The following SEPTIN4 variants were observed in gnomAD, a reference collection of about 807,000 sequenced individuals.
The protein encoded by SEPTIN4 is septin-4.
A neutral mutation model predicts 107.1 loss-of-function variants in SEPTIN4; 52 were observed. That is an observed-to-expected ratio of 0.49 (90% CI 0.39 to 0.61). The LOEUF (loss-of-function observed/expected upper bound fraction) is 0.61, where lower values mean the gene tolerates loss of function less well. SEPTIN4 is among the 20% of genes least tolerant of loss of function. SEPTIN4 has a pLI of 0.00. For missense variants in SEPTIN4, 1,048 were observed against 1,243.5 expected (o/e 0.84, Z 2.36); for synonymous variants, 417 against 467.0 (o/e 0.89, Z 1.38).
intron 1 of SEPTIN4, 139 bp downstream of exon 1, chr17:58,542,487 C>T: frequency 8.2e-7 from 1 of 1,214,194 alleles, no homozygotes; most frequent in South Asian, 1.5e-5. Context: ...GAGCAATAGG[C>T]TCAAGGATAG....
Position 58,538,999 on chromosome 17 carries a change from C to T in SEPTIN4, c.1614+1667G>A, listed in dbSNP as rs1311389496. On this transcript the variant is annotated intron_variant, in intron 3 of 13. Coordinates refer to ENST00000672673, the MANE Select transcript of SEPTIN4 (RefSeq NM_001368771.2). This position sits in a 1 kb window ranked among gnomAD's most constrained non-coding sequence, Gnocchi z 4.7. ...TCAGAGGCCTTGGACACCAGCACCACAGCGTCTCCATCCTGAGGCTGCATG... is the reference window on the plus strand; with the variant it reads ...TCAGAGGCCTTGGACACCAGCACCATAGCGTCTCCATCCTGAGGCTGCATG... The T allele has an allele frequency of 5.2e-6, 3 of 581,696 alleles. No individual in the cohort carries two copies. The highest frequency in any genetic ancestry group is 3.8e-5 in the African/African-American group (2 of 52,428). The allele number at this position is 581,696 out of a possible 1,614,324, so 36.0% of individuals were successfully genotyped here. A position where few individuals can be genotyped will look rare whatever the true frequency, so the allele number is the denominator to read the frequency against.
chr17:58,542,274 A>G (rs1406030208), intron 1 of SEPTIN4, among the ~76,000 whole-genome samples: 1 of 151,968 alleles, frequency 6.6e-6, no homozygotes, highest in Non-Finnish European at 1.5e-5. Flanking sequence ...ATTCTATTTA[A>G]CAGCCCTTGC....
chr17:58,527,002 A>C, intron 3 of SEPTIN4, 24 bp from the exon 4 acceptor site: 1 of 1,613,884 alleles, frequency 6.2e-7, no homozygotes, highest in Non-Finnish European at 8.5e-7. Context: ...GGTGGGTAGA[A>C]TAGATGGGTG....
intron 7 of SEPTIN4, among the ~76,000 whole-genome samples, chr17:58,523,685 A>G (rs920812212): frequency 4.6e-5 from 7 of 151,704 alleles, no homozygotes; most frequent in African/African-American, 1.5e-4. Context: ...ATTCTAGCTG[A>G]TTTGATGCTC....
At position 58,526,995 on chromosome 17, in the gene SEPTIN4, G is replaced by T; in HGVS notation, c.1615-17C>A. ...ACGCTTGATCTGGGGGAAGCGGGGT[G>T]GGTAGAATAGATGGGTGGTGCCGGG... On this transcript the variant is annotated splice_polypyrimidine_tract_variant and intron_variant, in intron 3 of 13. Coordinates refer to ENST00000672673, the MANE Select transcript of SEPTIN4 (RefSeq NM_001368771.2). 6.2e-7 allele frequency: 1 copy of T among 1,613,890 alleles called. No homozygotes were observed. The highest frequency in any genetic ancestry group is 8.5e-7 in the Non-Finnish European group (1 of 1,179,996).
chr17:58,544,140 TG>T lies in SEPTIN4; in HGVS notation c.46del (p.Gln16ArgfsTer31). 1 of 1,614,088 alleles carries T rather than the reference TG, an allele frequency of 6.2e-7. No homozygotes were observed. Among genetic ancestry groups the T allele is most frequent in the South Asian group, 1.1e-5 (1 of 91,076 alleles). ...GTTAGTAGTAACCTCAGACCCTCTC[TG>T]TGCTGAAACCGCTACCTTGGCCCCA... Reference protein sequence around the residue: ...KPGAKVAVSAQRGSEVTTNTS... With the variant: ...KPGAKVAVSAXRGSEVTTNTS... On this transcript the variant is annotated frameshift_variant, in exon 1 of 14. Transcript: ENST00000672673. LOFTEE classifies it high-confidence loss of function.
chr17:58,522,209 T>C (rs903294492), intron 7 of SEPTIN4, 108 bp from the exon 8 acceptor site: 1 of 1,393,402 alleles, frequency 7.2e-7, no homozygotes, highest in South Asian at 1.3e-5. Context: ...TTTAAGACAC[T>C]GTTATTCCCT....
chr17:58,542,513 TG>T, intron 1 of SEPTIN4, 112 bp downstream of exon 1: 1 of 1,400,020 alleles, frequency 7.1e-7, no homozygotes. Flanking sequence ...GCTTTGGCAC[TG>T]GCAGGAGAGC....
chr17:58,527,489 A>G, intron 3 of SEPTIN4: 1 of 271,668 alleles, frequency 3.7e-6, no homozygotes, highest in Non-Finnish European at 7.3e-6. Flanking sequence ...CAGGTCAACC[A>G]GCAGGGGGTT....
chr17:58,532,157 C>T, intron 3 of SEPTIN4: 1 of 1,022,176 alleles, frequency 9.8e-7, no homozygotes. Flanking sequence ...GCTAGCGGTG[C>T]CGGCGCGAAG....
rs1266603629 is a variant in SEPTIN4 at position 58,526,302 on chromosome 17, C to G, written c.1923G>C (p.Glu641Asp). ...TGGGGAGGGTTGCAAAGCCCACATA[C>G]TCCTTGTCATCCTAGTAGACAGGAA... ...DPYDSSEDDK[E>D]YVGFATLPNQ... Residue 641 changes from glutamate (E) to aspartate (D), a missense_variant, in exon 5 of 14, where the codon GAG (glutamate) becomes GAC (aspartate). Around this residue, in one of 2 missense-constraint regions of SEPTIN4, gnomAD observed 787 missense variants for 871.8 expected, o/e 0.90. Transcript: ENST00000672673. 1.9e-6 allele frequency: 3 copies of G among 1,593,280 alleles called. No individual in the cohort carries two copies. The highest frequency in any genetic ancestry group is 1.4e-5 in the African/African-American group (1 of 74,020).
intron 3 of SEPTIN4, chr17:58,527,376 G>A (rs1387620953): frequency 1.6e-5 from 6 of 373,654 alleles, no homozygotes; most frequent in Non-Finnish European, 2.6e-5. Context: ...GATTAAGATA[G>A]AGCAGACAGA....
At position 58,542,785 on chromosome 17, in the gene SEPTIN4, G is replaced by A; in HGVS notation, c.1402C>T (p.Pro468Ser). ...TGGAACTTCAGATCCTCACAGAAAG[G>A]GCTAGAGTCTATTTTAAAACCGGAC... ...LLSGFKIDSSPFCEDLKFQRE... is the reference protein window; with the variant it reads ...LLSGFKIDSSSFCEDLKFQRE... The change falls in exon 1 of 14, where the codon CCT becomes TCT. Residue 468 changes from proline to serine, a missense_variant. Pro to Ser is a moderately conservative substitution (Grantham distance 74). Around this residue, in one of 2 missense-constraint regions of SEPTIN4, gnomAD observed 787 missense variants for 871.8 expected, o/e 0.90. Transcript: ENST00000672673. The A allele has an allele frequency of 6.2e-7, 1 of 1,614,130 alleles. No homozygotes were observed. Among genetic ancestry groups the A allele is most frequent in the Non-Finnish European group, 8.5e-7 (1 of 1,180,032 alleles).
In SEPTIN4 at chr17:58,521,983, A is replaced by G; in HGVS notation, c.2335T>C (p.Ser779Pro). 6.2e-7 allele frequency: 1 copy of G among 1,614,190 alleles called. No individual in the cohort carries two copies. The highest frequency in any genetic ancestry group is 1.6e-4 in the Middle Eastern group (1 of 6,062). ...GGACCATACCCATGGCCGAAGGGTG[A>G]GATGAAGTACAGGCAGCAGTGCACC... ...NRVHCCLYFI[S>P]PFGHGLRPLD... is the part of the protein sequence containing the mutation. Residue 779 changes from serine (S) to proline (P), a missense_variant, in exon 8 of 14, where the codon TCA (serine) becomes CCA (proline). Around this residue, in one of 2 missense-constraint regions of SEPTIN4, gnomAD observed 261 missense variants for 371.7 expected, o/e 0.70. Transcript: ENST00000672673. This position sits in a 1 kb window ranked among gnomAD's most constrained non-coding sequence, Gnocchi z 6.4.
At chr17:58,526,361 C>T in intron 4 of SEPTIN4, 48 bp from the exon 5 acceptor site, 2 of 1,460,604 alleles carry the variant, frequency 1.4e-6, no homozygotes, top group South Asian at 1.5e-5. Flanking sequence ...GCCAAAGGGG[C>T]CCCGGCACCC....
chr17:58,529,000 TC>T, intron 3 of SEPTIN4: 2 of 1,281,282 alleles, frequency 1.6e-6, no homozygotes, highest in South Asian at 1.2e-5. Flanking sequence ...TGCCTGTCCA[TC>T]CCCACTCCCA....
At chr17:58,533,888 A>AAAGCCT (rs1274665352) in intron 3 of SEPTIN4, among the ~76,000 whole-genome samples, 1 of 152,186 alleles carries the variant, frequency 6.6e-6, no homozygotes, top group Non-Finnish European at 1.5e-5. Flanking sequence ...GGGTAAGGAG[A>AAAGCCT]AAGCCTACAT....
intron 4 of SEPTIN4, 88 bp downstream of exon 4, chr17:58,526,594 A>T (rs2042922151): frequency 6.8e-7 from 1 of 1,480,166 alleles, no homozygotes; most frequent in East Asian, 2.4e-5. Flanking sequence ...ACACACACAC[A>T]CACACACACA....
At position 58,521,728 on chromosome 17, in the gene SEPTIN4, T is replaced by G; in HGVS notation, c.2469+8A>C. The G allele has an allele frequency of 1.9e-6, 3 of 1,614,190 alleles. No individual in the cohort carries two copies. The highest frequency in any genetic ancestry group is 2.5e-6 in the Non-Finnish European group (3 of 1,180,022). ...ACCTGATCCCCTCCCACCACCAGCT[T>G]CCCTCACTTTGCGTTTCTTGTGGTC... is the stretch of plus-strand genomic sequence containing the variant. On this transcript the variant is annotated splice_region_variant and intron_variant, in intron 9 of 13. Transcript: ENST00000672673. The surrounding 1 kb of genome is among the most constrained non-coding windows in gnomAD (Gnocchi z 6.4).
Sources: gnomAD v4.1 joint callset for allele counts (sites outside exome capture counted in the v4.1 genomes callset) on GRCh38, gnomAD v4.1.1 for gene constraint, gnomAD v4.1.1 regional missense constraint, Gnocchi (gnomAD v3.1) non-coding constraint, MANE v1.5 for transcripts, NCBI Gene and HGNC (gene_info 2026-07-23, HGNC 2026-07-21) for gene names.